Variants in KLHL18 observed in about 807,000 individuals in gnomAD.
KLHL18 encodes kelch-like protein 18.
Under a neutral mutation model 58.5 loss-of-function variants are expected in KLHL18, and 38 were observed. The observed-to-expected ratio is 0.65, with a 90% CI of 0.50 to 0.85. The LOEUF (loss-of-function observed/expected upper bound fraction) is 0.85. KLHL18 is among the 40% of genes least tolerant of loss of function. The pLI is 0.00. For missense variants in KLHL18, 624 were observed against 778.4 expected, an observed-to-expected ratio of 0.80 and a Z score of 2.36; for synonymous variants, 303 against 301.9, an observed-to-expected ratio of 1.00 and a Z score of -0.04.
At chr3:47,329,297 G>A (rs961683163) in intron 3 of KLHL18, among the ~76,000 whole-genome samples, 2 of 151,868 alleles carry the variant, frequency 1.3e-5, no homozygotes, top group African/African-American at 4.8e-5. Flanking sequence ...GCGCAGTCTC[G>A]GCTCACTGCA....
Position 47,340,563 on chromosome 3 carries a change from CTGTT to C in KLHL18, c.1122-7_1122-4del. The C allele has an allele frequency of 6.2e-7, 1 of 1,613,944 alleles. No homozygotes were observed. On this transcript the variant is annotated splice_region_variant and splice_polypyrimidine_tract_variant and intron_variant, in intron 7 of 9. Coordinates refer to ENST00000232766, the MANE Select transcript of KLHL18 (RefSeq NM_025010.5). ...GGCTCATCTGGGATGACAGCTCTGT[CTGTT>C]TCAGTGCCATGGGGACAGTCGTGCT...
intron 8 of KLHL18, among the ~76,000 whole-genome samples, chr3:47,341,050 T>C (rs981190978): frequency 6.6e-6 from 1 of 152,172 alleles, no homozygotes; most frequent in African/African-American, 2.4e-5. Context: ...TGTGGTCAGA[T>C]AGGCTTGGGA....
chr3:47,320,685 A>G (rs1257699839), intron 2 of KLHL18, among the ~76,000 whole-genome samples: 4 of 152,208 alleles, frequency 2.6e-5, no homozygotes, highest in Non-Finnish European at 5.9e-5. Flanking sequence ...TGGGAGGTCA[A>G]GGCGGGAGGA....
intron 1 of KLHL18, among the ~76,000 whole-genome samples, chr3:47,309,754 T>G (rs1448110074): frequency 6.6e-6 from 1 of 152,176 alleles, no homozygotes; most frequent in African/African-American, 2.4e-5. Context: ...TCCCGGCACC[T>G]CGGGAGGCCG....
chr3:47,337,098 G>T, intron 7 of KLHL18: 1 of 266,382 alleles, frequency 3.8e-6, no homozygotes, highest in Non-Finnish European at 7.2e-6. Context: ...TCAGGGAAGA[G>T]GTGGGATTAA....
At position 47,294,835 on chromosome 3, in the gene KLHL18, T is replaced by G. The variant is rs866739141; in HGVS notation, c.129+11741T>G. Among the ~76,000 whole-genome samples the G allele has an allele frequency of 3.9e-5, 6 of 152,328 alleles. No homozygotes were observed. In the East Asian group the frequency reaches 5.8e-4, roughly 15 times the overall value. On this transcript the variant is annotated intron_variant, in intron 1 of 9. Transcript: ENST00000232766. Reference sequence around the variant, plus strand: ...TGGTTCATGAAGACAGCACTGCGTTTTGCTTGCACTTTCCCCTTCGGTTTA... The same window carrying G: ...TGGTTCATGAAGACAGCACTGCGTTGTGCTTGCACTTTCCCCTTCGGTTTA...
intron 7 of KLHL18, among the ~76,000 whole-genome samples, chr3:47,339,483 C>G (rs944085570): frequency 6.8e-6 from 1 of 146,166 alleles, no homozygotes; most frequent in East Asian, 2.0e-4. Context: ...AGAGCAAGAC[C>G]TCATCTCAAA....
At chr3:47,284,337 C>CTTTTTTTTT (rs767276527) in intron 1 of KLHL18, among the ~76,000 whole-genome samples, 64 of 127,126 alleles carry the variant, frequency 5.0e-4, no homozygotes, top group Non-Finnish European at 7.8e-4. Context: ...TTTCTTTTTT[C>CTTTTTTTTT]TTTTTTTTTT....
chr3:47,287,129 CTTCTT>C (rs1480721218), intron 1 of KLHL18: 4 of 152,330 alleles, frequency 2.6e-5, no homozygotes, highest in Non-Finnish European at 4.4e-5. Flanking sequence ...ACTCATGTGT[CTTCTT>C]TTCTTCTTCT....
intron 1 of KLHL18, among the ~76,000 whole-genome samples, chr3:47,302,086 CCTTTGTG>C (rs2107597549): frequency 6.6e-6 from 1 of 152,244 alleles, no homozygotes; most frequent in South Asian, 2.1e-4. Flanking sequence ...CAGGCGTGAA[CCTTTGTG>C]CTCAGCTTAT....
Position 47,336,654 on chromosome 3 carries a change from G to A in KLHL18, c.1018G>A (p.Ala340Thr). 6.2e-7 allele frequency: 1 copy of A among 1,614,248 alleles called. No homozygotes were observed. Among genetic ancestry groups the A allele is most frequent in the East Asian group, 2.2e-5 (1 of 44,884 alleles). ...GVAVVNGLLY[A>T]IGGYDGQLRL... ...GGCTGTGGTGAACGGGCTTCTCTAT[G>A]CCATCGGAGGATATGACGGCCAGCT... The change falls in exon 7 of 10, where the codon GCC becomes ACC. Residue 340 changes from alanine to threonine, a missense_variant. By Grantham distance (58) the Ala-to-Thr change is moderately conservative. Transcript: ENST00000232766.
chr3:47,328,536 G>C (rs1022656432), intron 3 of KLHL18, among the ~76,000 whole-genome samples: 1 of 152,086 alleles, frequency 6.6e-6, no homozygotes, highest in Non-Finnish European at 1.5e-5. Flanking sequence ...TGCCCCATGA[G>C]CATCAGGGCC....
chr3:47,339,845 A>T (rs1351266924), intron 7 of KLHL18, among the ~76,000 whole-genome samples: 1 of 151,990 alleles, frequency 6.6e-6, no homozygotes, highest in Non-Finnish European at 1.5e-5. Context: ...AGAGGACAGA[A>T]GTTTGAGACC....
At chr3:47,329,162 A>G (rs1463182540) in intron 3 of KLHL18, among the ~76,000 whole-genome samples, 2 of 140,240 alleles carry the variant, frequency 1.4e-5, no homozygotes, top group East Asian at 4.3e-4. Flanking sequence ...AAAGACAAGT[A>G]TAAGAGTTCC....
intron 6 of KLHL18, among the ~76,000 whole-genome samples, 169 bp from the exon 7 acceptor site, chr3:47,336,366 T>G (rs1181106354): frequency 6.6e-6 from 1 of 152,168 alleles, no homozygotes; most frequent in African/African-American, 2.4e-5. Flanking sequence ...AAGAATTAGG[T>G]TTGAGGTGAT....
intron 3 of KLHL18, among the ~76,000 whole-genome samples, chr3:47,323,386 T>A (rs1703634087): frequency 6.6e-6 from 1 of 152,198 alleles, no homozygotes; most frequent in African/African-American, 2.4e-5. Context: ...CTCTTTGAAT[T>A]TCTTGACCTT....
intron 1 of KLHL18, among the ~76,000 whole-genome samples, chr3:47,298,694 C>T (rs980372759): frequency 6.6e-6 from 1 of 152,160 alleles, no homozygotes; most frequent in African/African-American, 2.4e-5. Flanking sequence ...CCATGTGCCA[C>T]CTTTTATAGT....
chr3:47,342,507 G>C (rs1461087497), intron 8 of KLHL18, among the ~76,000 whole-genome samples: 1 of 152,186 alleles, frequency 6.6e-6, no homozygotes, highest in East Asian at 1.9e-4. Flanking sequence ...ATGATTTTGA[G>C]CAGCCATGGA....
At chr3:47,284,639 CTCT>C (rs981300375) in intron 1 of KLHL18, among the ~76,000 whole-genome samples, 3 of 152,012 alleles carry the variant, frequency 2.0e-5, no homozygotes, top group Non-Finnish European at 2.9e-5. Context: ...GCCCAGCCTG[CTCT>C]TCTTATTTTC....
Sources: allele counts gnomAD v4.1 joint callset (sites outside exome capture counted in the v4.1 genomes callset), GRCh38; gene constraint gnomAD v4.1.1; transcripts MANE v1.5; gene names NCBI Gene and HGNC (gene_info 2026-07-23, HGNC 2026-07-21).